PCDH9: variants seen among roughly 807,000 people sequenced by gnomAD.
The protein encoded by PCDH9 is protocadherin 9.
Under a neutral mutation model 70.6 loss-of-function variants are expected in PCDH9, and 24 were observed. The observed-to-expected ratio is 0.34, with a 90% confidence interval of 0.25 to 0.48. PCDH9 has a LOEUF of 0.48. PCDH9 is among the 20% of genes least tolerant of loss of function. PCDH9 has a pLI of 0.99. For missense variants in PCDH9, 1,281 were observed against 1,503.6 expected (o/e 0.85, Z 2.45); for synonymous variants, 562 against 558.5 (o/e 1.01, Z -0.09).
intron 3 of PCDH9, among the ~76,000 whole-genome samples, chr13:66,774,313 C>T (rs1000131670): frequency 2.0e-5 from 3 of 152,124 alleles, no homozygotes; most frequent in African/African-American, 7.2e-5. Flanking sequence ...ACCTAACATG[C>T]TTGCAGTGTC....
intron 2 of PCDH9, among the ~76,000 whole-genome samples, chr13:67,121,005 T>C (rs2086867853): frequency 6.6e-6 from 1 of 151,986 alleles, no homozygotes; most frequent in African/African-American, 2.4e-5. Context: ...TACTTATTAA[T>C]CTATTTAACA....
intron 3 of PCDH9, among the ~76,000 whole-genome samples, chr13:66,698,675 CTCAG>C (rs2078594998): frequency 6.6e-6 from 1 of 151,922 alleles, no homozygotes; most frequent in South Asian, 2.1e-4. Context: ...ACCTCCTGGG[CTCAG>C]TCAATCTTCC....
intron 4 of PCDH9, among the ~76,000 whole-genome samples, chr13:66,459,972 A>G (rs984937356): frequency 8.6e-5 from 13 of 152,044 alleles, no homozygotes; most frequent in South Asian, 6.2e-4. Flanking sequence ...TTATTTAAAG[A>G]GGATCTGTTT....
At position 66,311,007 on chromosome 13, in the gene PCDH9, C is replaced by T. The variant is rs1302935425; in HGVS notation, c.3341-5979G>A. Among the ~76,000 whole-genome samples, 4 of 152,190 alleles carry T rather than the reference C, an allele frequency of 2.6e-5. No homozygotes were observed. The East Asian group carries it at 7.7e-4, about 29-fold the overall frequency. On this transcript the variant is annotated intron_variant, in intron 4 of 4. Transcript: ENST00000377865. ...TGTCTATTAAGCAAAGACTTGTGCACTCCCAAACACTTTAAAATGAAAGAT... is the reference window on the plus strand; with the variant it reads ...TGTCTATTAAGCAAAGACTTGTGCATTCCCAAACACTTTAAAATGAAAGAT...
At chr13:67,182,525 C>T (rs989437088) in intron 2 of PCDH9, among the ~76,000 whole-genome samples, 8 of 151,956 alleles carry the variant, frequency 5.3e-5, no homozygotes, top group African/African-American at 1.7e-4. Flanking sequence ...ACATAGTAAT[C>T]GAAATGTTCT....
chr13:66,501,290 A>G (rs1172481583), intron 4 of PCDH9, among the ~76,000 whole-genome samples: 1 of 152,078 alleles, frequency 6.6e-6, no homozygotes. Context: ...ACTCATGAAC[A>G]TCACTGTTTT....
intron 3 of PCDH9, among the ~76,000 whole-genome samples, chr13:66,709,607 A>G (rs2078764955): frequency 6.6e-6 from 1 of 152,194 alleles, no homozygotes; most frequent in South Asian, 2.1e-4. Context: ...CAAACACCAA[A>G]TCCGTCTTCT....
intron 4 of PCDH9, among the ~76,000 whole-genome samples, chr13:66,416,908 AAGG>A (rs1957470288): frequency 6.6e-6 from 1 of 152,228 alleles, no homozygotes; most frequent in Non-Finnish European, 1.5e-5. Context: ...TCAGCAGCAG[AAGG>A]AGATGTGCAT....
In PCDH9 at chr13:66,907,087, C is replaced by T. The variant is rs1445285424; in HGVS notation, c.3037-3482G>A. ...GATGTGGTGGTGCATGCCTGTAATC[C>T]CAGCTACTTGGGAGTCTGAGGCACG... On this transcript the variant is annotated intron_variant, in intron 2 of 4. Transcript: ENST00000377865. Among the ~76,000 whole-genome samples, 8 of 152,012 alleles carry T rather than the reference C, an allele frequency of 5.3e-5. No homozygotes were observed. The East Asian group carries it at 1.6e-3, about 30-fold the overall frequency.
intron 2 of PCDH9, among the ~76,000 whole-genome samples, chr13:67,198,057 T>C (rs533691301): frequency 1.3e-5 from 2 of 151,632 alleles, no homozygotes; most frequent in South Asian, 2.1e-4. Flanking sequence ...AAATAGCAAA[T>C]AGAATATAGT....
chr13:66,814,159 T>A (rs185217389), intron 3 of PCDH9, among the ~76,000 whole-genome samples: 74 of 152,268 alleles, frequency 4.9e-4, no homozygotes, highest in African/African-American at 1.7e-3. Context: ...AACGCTCTTT[T>A]TAGTTAATAA....
chr13:66,774,250 C>A (rs2079855542), intron 3 of PCDH9, among the ~76,000 whole-genome samples: 1 of 152,084 alleles, frequency 6.6e-6, no homozygotes, highest in Non-Finnish European at 1.5e-5. Flanking sequence ...AGGAGAGAGC[C>A]AACGTCTGAC....
intron 3 of PCDH9, among the ~76,000 whole-genome samples, chr13:66,774,254 G>A (rs1594041511): frequency 6.6e-6 from 1 of 152,088 alleles, no homozygotes; most frequent in African/African-American, 2.4e-5. Flanking sequence ...GAGAGCCAAC[G>A]TCTGACTCAC....
At chr13:67,219,229 T>A (rs2089672389) in intron 2 of PCDH9, 1 of 152,068 alleles carries the variant, frequency 6.6e-6, no homozygotes, top group South Asian at 2.1e-4. Context: ...TTAATGAGTC[T>A]TGGCTTACAG....
At chr13:66,431,584 A>T (rs1957771262) in intron 4 of PCDH9, among the ~76,000 whole-genome samples, 1 of 152,074 alleles carries the variant, frequency 6.6e-6, no homozygotes, top group African/African-American at 2.4e-5. Flanking sequence ...TAAGGATTTT[A>T]CAATATTGCT....
intron 4 of PCDH9, among the ~76,000 whole-genome samples, chr13:66,605,838 C>T (rs371968170): frequency 9.9e-5 from 15 of 152,124 alleles, no homozygotes; most frequent in African/African-American, 3.4e-4. Context: ...AGACTTCATA[C>T]ACCATGTGCT....
intron 4 of PCDH9, among the ~76,000 whole-genome samples, chr13:66,324,016 T>C (rs1955798609): frequency 6.6e-6 from 1 of 152,044 alleles, no homozygotes; most frequent in African/African-American, 2.4e-5. Context: ...CTATATATGC[T>C]GTGACTTCAC....
At chr13:66,978,857 T>C (rs1324394508) in intron 2 of PCDH9, among the ~76,000 whole-genome samples, 1 of 151,008 alleles carries the variant, frequency 6.6e-6, no homozygotes, top group Non-Finnish European at 1.5e-5. Flanking sequence ...TATATGTATA[T>C]TTATATATGC....
At chr13:66,530,994 A>T (rs1960425776) in intron 4 of PCDH9, among the ~76,000 whole-genome samples, 1 of 151,974 alleles carries the variant, frequency 6.6e-6, no homozygotes, top group Non-Finnish European at 1.5e-5. Flanking sequence ...TTTTTAAATC[A>T]TCCATTGTGT....
Sources: allele counts gnomAD v4.1 joint callset (sites outside exome capture counted in the v4.1 genomes callset), GRCh38; gene constraint gnomAD v4.1.1; transcripts MANE v1.5; gene names NCBI Gene and HGNC (gene_info 2026-07-23, HGNC 2026-07-21).